Variants in ERMP1 observed in about 807,000 individuals in gnomAD.
The protein encoded by ERMP1 is endoplasmic reticulum metallopeptidase 1.
ERMP1 carries 86 observed loss-of-function variants against 92.0 expected under a neutral mutation model. The observed-to-expected ratio is 0.93, with a 90% confidence interval of 0.79 to 1.12. The LOEUF is 1.12. ERMP1 is among the 50% of genes most tolerant of loss of function. The pLI is 0.00. For synonymous variants in ERMP1, 530 were observed against 412.8 expected (o/e 1.28, Z -3.44); for missense variants, 1,342 against 1,116.3 (o/e 1.20, Z -2.88).
rs990176768 is a variant in ERMP1, at chr9:5,830,953, G to A, written c.414C>T (p.His138=). 2.5e-6 allele frequency: 4 copies of A among 1,614,100 alleles called. No homozygotes were observed. Among genetic ancestry groups the A allele is most frequent in the Non-Finnish European group, 3.4e-6 (4 of 1,179,954 alleles). ...GSPENEILTV[H]YLLEQIKLIE... is the part of the protein sequence containing the mutation. Reference sequence around the variant, plus strand: ...TCAGTTTAATCTGTTCCAAAAGGTAGTGCACGGTCAGAATTTCATTTTCTG... The same window carrying A: ...TCAGTTTAATCTGTTCCAAAAGGTAATGCACGGTCAGAATTTCATTTTCTG... Residue 138 remains histidine, a synonymous_variant, in exon 2 of 15, where the codon CAC becomes CAT. Transcript: ENST00000339450.
intron 13 of ERMP1, 31 bp from the exon 14 acceptor site, chr9:5,787,624 A>T (rs757960184): frequency 6.3e-7 from 1 of 1,588,814 alleles, no homozygotes; most frequent in Admixed American, 1.9e-5. Flanking sequence ...AGAACAGTTA[A>T]TCTTTTTAAA....
In ERMP1 at chr9:5,786,309, G is replaced by C. The variant is rs369168351; in HGVS notation, c.*835C>G. ...AGAATAGCCCAGATGGCAGCTCAGT[G>C]CTCTGAGGAAGGAAGTTAAGGTCAT... On this transcript the variant is annotated 3_prime_UTR_variant, in exon 15 of 15. Coordinates refer to ENST00000339450, the MANE Select transcript of ERMP1 (RefSeq NM_024896.3). 4 of 152,184 alleles carry C rather than the reference G, an allele frequency of 2.6e-5. No individual in the cohort carries two copies. Among genetic ancestry groups the C allele is most frequent in the Non-Finnish European group, 5.9e-5 (4 of 68,046 alleles). The allele number at this position is 152,184 out of a possible 1,614,324, so 9.4% of individuals were successfully genotyped here.
chr9:5,811,053 A>C (rs1267895446), intron 7 of ERMP1, 58 bp downstream of exon 7: 3 of 1,228,276 alleles, frequency 2.4e-6, no homozygotes, highest in African/African-American at 3.0e-5. Flanking sequence ...TGACTGAAAA[A>C]CTTCAAGCAC....
intron 6 of ERMP1, among the ~76,000 whole-genome samples, chr9:5,843,706 TGAAGTTTTTGCTGATGCA>T (rs920063030): frequency 2.6e-5 from 4 of 152,230 alleles, no homozygotes; most frequent in African/African-American, 9.6e-5. Context: ...GAACGCTTTC[TGAAGTTTTTGCTGATGCA>T]GAGCCGAAGA....
chr9:5,847,125 T>C (rs1830246384), intron 6 of ERMP1, among the ~76,000 whole-genome samples: 1 of 152,216 alleles, frequency 6.6e-6, no homozygotes, highest in Non-Finnish European at 1.5e-5. Flanking sequence ...GAATTTGCTG[T>C]TTAACTCACT....
At chr9:5,855,016 C>T (rs1830355982) in intron 6 of ERMP1, among the ~76,000 whole-genome samples, 1 of 152,144 alleles carries the variant, frequency 6.6e-6, no homozygotes, top group South Asian at 2.1e-4. Context: ...TTTAATAACA[C>T]CCTCTTTCAT....
rs142972934 is a variant in ERMP1 at position 5,850,427 on chromosome 9, A to AAAAAAG, written n.3199+9040_3199+9041insCTTTTT. Among the ~76,000 whole-genome samples the AAAAAAG allele has an allele frequency of 8.0e-3, 1,154 of 144,140 alleles. 23 individuals carry two copies. The highest frequency in any genetic ancestry group is 0.012 in the Middle Eastern group (3 of 256). The allele number at this position is 144,140 out of a possible 152,430, so 94.6% of individuals were successfully genotyped here. A position where few individuals can be genotyped will look rare whatever the true frequency, so the allele number is the denominator to read the frequency against. Reference sequence around the variant, plus strand: ...TCTCAAAAAAAAAAAAAAAAAAAAAAAAGAAGAAGAAGAAAAAAAGAAATA... The same window carrying AAAAAAG: ...TCTCAAAAAAAAAAAAAAAAAAAAAAAAAAAGAAGAAGAAGAAGAAAAAAAGAAATA... On this transcript the variant is annotated intron_variant and non_coding_transcript_variant, in intron 6 of 6. Coordinates refer to the ERMP1 transcript ENST00000690753.
intron 5 of ERMP1, among the ~76,000 whole-genome samples, chr9:5,864,139 G>A: frequency 6.6e-6 from 1 of 152,336 alleles, no homozygotes; most frequent in Middle Eastern, 3.4e-3. Context: ...TTGACTGTTG[G>A]AAATTGGTAG....
At chr9:5,792,167 T>G (rs1434238592) in intron 13 of ERMP1, among the ~76,000 whole-genome samples, 2 of 152,076 alleles carry the variant, frequency 1.3e-5, no homozygotes, top group African/African-American at 2.4e-5. Context: ...AATCCCGAAA[T>G]ATACACAAAG....
intron 5 of ERMP1, 81 bp from the exon 6 acceptor site, chr9:5,812,298 C>A: frequency 1.3e-6 from 1 of 774,664 alleles, no homozygotes; most frequent in Non-Finnish European, 2.1e-6. Flanking sequence ...TTAATAAATT[C>A]CTAAAAGACA....
chr9:5,864,709 G>A (rs1830601065), intron 5 of ERMP1, among the ~76,000 whole-genome samples: 1 of 152,174 alleles, frequency 6.6e-6, no homozygotes, highest in African/African-American at 2.4e-5. Context: ...TGGAGAAGAA[G>A]AGGCTGATCA....
intron 4 of ERMP1, among the ~76,000 whole-genome samples, chr9:5,816,923 G>A (rs1243555487): frequency 2.1e-5 from 3 of 145,178 alleles, no homozygotes; most frequent in African/African-American, 7.7e-5. Context: ...TTTGGTGACA[G>A]AGTCTCGCTC....
Position 5,810,214 on chromosome 9 carries a change from CCTT to C in ERMP1, c.1342_1344del (p.Lys448del), listed in dbSNP as rs1299671797. The stretch of plus-strand genomic sequence containing the variant: ...GTGATGCCAAGTCCACACAAGAAGT[CCTT>C]CTTGTAGTTACCAGCTAATGAAGAG... On this transcript the variant is annotated inframe_deletion, in exon 8 of 15. Coordinates refer to ENST00000339450, the MANE Select transcript of ERMP1 (RefSeq NM_024896.3). 4 of 1,612,576 alleles carry C rather than the reference CCTT, an allele frequency of 2.5e-6. No individual in the cohort carries two copies. Among genetic ancestry groups the C allele is most frequent in the African/African-American group, 1.3e-5 (1 of 74,894 alleles).
At chr9:5,809,566 ACAAATACTTGCT>A (rs1829008663) in intron 8 of ERMP1, among the ~76,000 whole-genome samples, 1 of 152,242 alleles carries the variant, frequency 6.6e-6, no homozygotes, top group Non-Finnish European at 1.5e-5. Flanking sequence ...CTTTTAGGCA[ACAAATACTTGCT>A]GTGTGTTAAT....
chr9:5,820,360 T>G (rs1257138099), intron 4 of ERMP1, among the ~76,000 whole-genome samples: 1 of 152,226 alleles, frequency 6.6e-6, no homozygotes, highest in African/African-American at 2.4e-5. Flanking sequence ...CCAAGAAATA[T>G]ATATACACAT....
intron 5 of ERMP1, among the ~76,000 whole-genome samples, chr9:5,864,094 G>A (rs1193822720): frequency 6.6e-6 from 1 of 152,152 alleles, no homozygotes; most frequent in Non-Finnish European, 1.5e-5. Flanking sequence ...CTCCAGAATT[G>A]CACATTTTCA....
At chr9:5,841,141 T>C (rs1002407986) in intron 6 of ERMP1, among the ~76,000 whole-genome samples, 4 of 152,226 alleles carry the variant, frequency 2.6e-5, no homozygotes, top group African/African-American at 9.6e-5. Context: ...CCTGTTATCC[T>C]TTCTCATCTC....
At chr9:5,850,692 T>A (rs1174040480) in intron 6 of ERMP1, among the ~76,000 whole-genome samples, 1 of 152,152 alleles carries the variant, frequency 6.6e-6, no homozygotes, top group Non-Finnish European at 1.5e-5. Flanking sequence ...AGTATTCAGT[T>A]AATTTGGATG....
intron 7 of ERMP1, 50 bp from the exon 8 acceptor site, chr9:5,810,281 T>C (rs1829041950): frequency 7.3e-7 from 1 of 1,376,932 alleles, no homozygotes; most frequent in Non-Finnish European, 1.0e-6. Context: ...ATCAAATCAG[T>C]TATATAACCA....
Sources: allele counts gnomAD v4.1 joint callset (sites outside exome capture counted in the v4.1 genomes callset), GRCh38; gene constraint gnomAD v4.1.1; transcripts MANE v1.5; gene names NCBI Gene and HGNC (gene_info 2026-07-23, HGNC 2026-07-21).